NFU1: variants seen among roughly 807,000 people sequenced by gnomAD.
NFU1 encodes the protein NFU1 iron-sulfur cluster scaffold homolog, mitochondrial.
Under a neutral mutation model 32.2 loss-of-function variants are expected in NFU1, and 30 were observed. That is an observed-to-expected ratio of 0.93 (90% CI 0.70 to 1.26). The LOEUF (loss-of-function observed/expected upper bound fraction) is 1.26. Ranked by LOEUF, NFU1 falls within the 50% of genes most tolerant of loss-of-function variation. The pLI is 0.00. For missense variants in NFU1, 306 were observed against 306.6 expected, an observed-to-expected ratio of 1.00 and a Z score of 0.02; for synonymous variants, 112 against 104.6, an observed-to-expected ratio of 1.07 and a Z score of -0.43.
chr2:69,425,496 A>G (rs1287670033), intron 2 of NFU1, among the ~76,000 whole-genome samples: 2 of 151,538 alleles, frequency 1.3e-5, no homozygotes, highest in Non-Finnish European at 2.9e-5. Flanking sequence ...CTGGGATTAT[A>G]GGCATGCACC....
chr2:69,432,980 T>G (rs1355987939), intron 1 of NFU1, among the ~76,000 whole-genome samples: 2 of 151,576 alleles, frequency 1.3e-5, no homozygotes, highest in Non-Finnish European at 2.9e-5. Context: ...TGCAACTCCA[T>G]CTCTACTAAA....
intron 3 of NFU1, among the ~76,000 whole-genome samples, chr2:69,420,527 C>T (rs995835981): frequency 3.3e-5 from 5 of 152,280 alleles, no homozygotes; most frequent in African/African-American, 1.2e-4. Flanking sequence ...GTGTATTCTT[C>T]CAGATCTTTT....
rs371546359 is a variant in NFU1 at position 69,419,606 on chromosome 2, T to A, written c.303-2A>T. On this transcript the variant is annotated splice_acceptor_variant, in intron 3 of 7. Transcript: ENST00000410022. LOFTEE classifies it high-confidence loss of function. The stretch of plus-strand genomic sequence containing the variant: ...ACTCCTTCAATCCTAAATAACTGCC[T>A]GCAAAAAAAGAAAAAATAAGAGATA... 1.2e-5 allele frequency: 19 copies of A among 1,560,704 alleles called. No homozygotes were observed. The African/African-American group carries it at 2.4e-4, about 20-fold the overall frequency.
upstream of NFU1, among the ~76,000 whole-genome samples, chr2:69,439,031 C>T (rs1381053787): frequency 6.6e-6 from 1 of 151,850 alleles, no homozygotes; most frequent in African/African-American, 2.4e-5. Flanking sequence ...TCAATTTTTC[C>T]CTCTCTGATG....
chr2:69,419,530 A>G lies in NFU1; in HGVS notation c.369+8T>C, dbSNP rs1558832880. ...TTCAAGTCTTATTTTATATAATCCTATGTTTACCTTTGTGACAGTGATGAA... is the reference window on the plus strand; with the variant it reads ...TTCAAGTCTTATTTTATATAATCCTGTGTTTACCTTTGTGACAGTGATGAA... On this transcript the variant is annotated splice_region_variant and intron_variant, in intron 4 of 7. Transcript: ENST00000410022. 2.0e-6 allele frequency: 3 copies of G among 1,492,894 alleles called. No individual in the cohort carries two copies. The highest frequency in any genetic ancestry group is 2.8e-6 in the Non-Finnish European group (3 of 1,073,112). The allele number at this position is 1,492,894 out of a possible 1,614,324, so 92.5% of individuals were successfully genotyped here. A position where few individuals can be genotyped will look rare whatever the true frequency, so the allele number is the denominator to read the frequency against.
chr2:69,416,554 C>A (rs1032520668), intron 4 of NFU1, among the ~76,000 whole-genome samples: 2 of 151,678 alleles, frequency 1.3e-5, no homozygotes, highest in African/African-American at 4.8e-5. Flanking sequence ...GTATACGGAA[C>A]AGCCTACAAC....
intron 2 of NFU1, among the ~76,000 whole-genome samples, chr2:69,424,170 CAAAAAAAAA>C (rs57078704): frequency 4.7e-5 from 2 of 42,926 alleles, no homozygotes; most frequent in African/African-American, 2.0e-4. Context: ...GACTCTGTCT[CAAAAAAAAA>C]AAAAAAAAAA....
intron 6 of NFU1, among the ~76,000 whole-genome samples, chr2:69,404,476 A>T (rs1672628072): frequency 6.6e-6 from 1 of 151,374 alleles, no homozygotes; most frequent in Admixed American, 6.6e-5. Context: ...GTGACAGAGC[A>T]AGACTCTGTC....
chr2:69,424,198 A>AATATATATATATATATATAT (rs1177261342), intron 2 of NFU1, among the ~76,000 whole-genome samples: 13 of 74,510 alleles, frequency 1.7e-4, no homozygotes, highest in African/African-American at 5.9e-4. Context: ...AAAAAAAAAA[A>AATATATATATATATATATAT]ATATATATAT....
intron 1 of NFU1, among the ~76,000 whole-genome samples, chr2:69,436,199 G>A (rs1673829527): frequency 6.6e-6 from 1 of 152,162 alleles, no homozygotes; most frequent in African/African-American, 2.4e-5. Context: ...TCTACAATGA[G>A]ATTAGTTTCA....
chr2:69,397,914 CAA>C (rs56659765), intron 7 of NFU1, among the ~76,000 whole-genome samples: 54,069 of 106,822 alleles, frequency 0.51, 12,165 homozygotes, highest in African/African-American at 0.67. Flanking sequence ...AACTACGTCT[CAA>C]AAAAAAAAAA....
At chr2:69,416,823 G>A (rs1673071662) in intron 4 of NFU1, among the ~76,000 whole-genome samples, 3 of 152,100 alleles carry the variant, frequency 2.0e-5, no homozygotes, top group South Asian at 2.1e-4. Flanking sequence ...GCTTGAACCC[G>A]GGAGGCGGAG....
In NFU1 at chr2:69,396,270, AT is replaced by A. The variant is rs1395486207; in HGVS notation, c.740del (p.Asp247ValfsTer23). The A allele has an allele frequency of 3.1e-6, 5 of 1,610,958 alleles. No individual in the cohort carries two copies. The highest frequency in any genetic ancestry group is 3.4e-6 in the Non-Finnish European group (4 of 1,177,882). On this transcript the variant is annotated frameshift_variant, in exon 8 of 8. Transcript: ENST00000410022. LOFTEE classifies it high-confidence loss of function. The stretch of plus-strand genomic sequence containing the variant: ...TTTAAGGTGAGTTTGCTTCTTTTTC[AT>A]CTGATTCATCATCCATAACCTAAAA... ...GVEQVMDDES[D>X]EKEANSP is the part of the protein sequence containing the mutation.
At chr2:69,422,588 T>A (rs1242125298) in intron 3 of NFU1, among the ~76,000 whole-genome samples, 1 of 148,240 alleles carries the variant, frequency 6.7e-6, no homozygotes, top group African/African-American at 2.5e-5. Flanking sequence ...AAATGGAAAT[T>A]TACCATATTT....
At chr2:69,420,541 C>T (rs764030122) in intron 3 of NFU1, among the ~76,000 whole-genome samples, 1 of 152,146 alleles carries the variant, frequency 6.6e-6, no homozygotes, top group Non-Finnish European at 1.5e-5. Flanking sequence ...ATCTTTTTGT[C>T]AGTGCATTTG....
intron 2 of NFU1, among the ~76,000 whole-genome samples, chr2:69,430,659 A>G (rs1673609048): frequency 6.6e-6 from 1 of 152,212 alleles, no homozygotes; most frequent in African/African-American, 2.4e-5. Context: ...ATGACCACAT[A>G]TTTCAGTCCT....
At chr2:69,429,178 T>C (rs982473381) in intron 2 of NFU1, among the ~76,000 whole-genome samples, 1 of 152,232 alleles carries the variant, frequency 6.6e-6, no homozygotes, top group African/African-American at 2.4e-5. Context: ...CTTCTAACTC[T>C]GGCTCTGAAC....
chr2:69,404,638 T>TTTTTTTTTTTTTTTTTTTTTTTTAA (rs1672638399), intron 6 of NFU1, among the ~76,000 whole-genome samples: 1 of 135,730 alleles, frequency 7.4e-6, no homozygotes, highest in Non-Finnish European at 1.5e-5. Context: ...TTTTTTTTTT[T>TTTTTTTTTTTTTTTTTTTTTTTTAA]GAGAAAGAGT....
At chr2:69,423,414 C>T (rs1363630871) in intron 3 of NFU1, among the ~76,000 whole-genome samples, 168 bp downstream of exon 3, 1 of 124,678 alleles carries the variant, frequency 8.0e-6, no homozygotes, top group Non-Finnish European at 1.7e-5. Context: ...GGCACTGCAA[C>T]AGGCCTTATT....
Sources: gnomAD v4.1 joint callset for allele counts (sites outside exome capture counted in the v4.1 genomes callset) on GRCh38, gnomAD v4.1.1 for gene constraint, MANE v1.5 for transcripts, NCBI Gene and HGNC (gene_info 2026-07-23, HGNC 2026-07-21) for gene names.